COLEC12: variants seen among roughly 807,000 people sequenced by gnomAD.
COLEC12 encodes the protein collectin subfamily member 12.
COLEC12 carries 33 observed loss-of-function variants against 71.1 expected under a neutral mutation model. The observed-to-expected ratio is 0.46, with a 90% CI of 0.35 to 0.62. The LOEUF (loss-of-function observed/expected upper bound fraction) is 0.62. Among genes scored for constraint, COLEC12 ranks in the 20% least tolerant of loss-of-function variants. COLEC12 has a pLI of 0.00. For missense variants in COLEC12, 765 were observed against 916.1 expected (o/e 0.84, Z 2.13); for synonymous variants, 350 against 353.0 (o/e 0.99, Z 0.10).
Position 355,739 on chromosome 18 carries a change from T to C in COLEC12, c.181+1661A>G, listed in dbSNP as rs1914616657. Among the ~76,000 whole-genome samples, 3 of 152,192 alleles carry C rather than the reference T, an allele frequency of 2.0e-5. No homozygotes were observed. In the South Asian group the frequency reaches 6.2e-4, roughly 32 times the overall value. Reference sequence around the variant, plus strand: ...TATCTTGGCTCACTAGGAAAAGTCATGGAGAAGTGAGTAATGACCTAAATA... The same window carrying C: ...TATCTTGGCTCACTAGGAAAAGTCACGGAGAAGTGAGTAATGACCTAAATA... On this transcript the variant is annotated intron_variant, in intron 3 of 9. Coordinates refer to ENST00000400256, the MANE Select transcript of COLEC12 (RefSeq NM_130386.3).
intron 5 of COLEC12, among the ~76,000 whole-genome samples, chr18:341,175 T>C (rs1355922888): frequency 6.6e-6 from 1 of 152,232 alleles, no homozygotes; most frequent in Non-Finnish European, 1.5e-5. Context: ...GTAAACTCTC[T>C]GTCATTTCCA....
chr18:498,247 G>A (rs1027350544), intron 1 of COLEC12, among the ~76,000 whole-genome samples: 2 of 152,092 alleles, frequency 1.3e-5, no homozygotes, highest in South Asian at 2.1e-4. Context: ...CACTTAGTAG[G>A]TACTAAAAAA....
At chr18:442,002 T>TCTAC (rs1221111408) in intron 2 of COLEC12, among the ~76,000 whole-genome samples, 1 of 120,744 alleles carries the variant, frequency 8.3e-6, no homozygotes, top group Non-Finnish European at 1.6e-5. Flanking sequence ...TCTCTCTCTC[T>TCTAC]ACACACACAC....
At position 408,989 on chromosome 18, in the gene COLEC12, C is replaced by A. The variant is rs190880736; in HGVS notation, c.59-51467G>T. On this transcript the variant is annotated intron_variant, in intron 2 of 9. Coordinates refer to ENST00000400256, the MANE Select transcript of COLEC12 (RefSeq NM_130386.3). The surrounding 1 kb of genome is among the most constrained non-coding windows in gnomAD (Gnocchi z 4.3). Reference sequence around the variant, plus strand: ...CTGGTATTACAGGCACATACCACCACGCCTAGCTAAATTTTGTATTTTTTT... The same window carrying A: ...CTGGTATTACAGGCACATACCACCAAGCCTAGCTAAATTTTGTATTTTTTT... Among the ~76,000 whole-genome samples, 1 of 151,962 alleles carries A rather than the reference C, an allele frequency of 6.6e-6. No individual in the cohort carries two copies. The highest frequency in any genetic ancestry group is 1.5e-5 in the Non-Finnish European group (1 of 68,000).
intron 2 of COLEC12, among the ~76,000 whole-genome samples, chr18:450,687 A>G (rs1034916888): frequency 7.9e-5 from 12 of 152,248 alleles, no homozygotes; most frequent in African/African-American, 2.9e-4. Flanking sequence ...GCATTGCTAC[A>G]AAGATATCTG....
intron 2 of COLEC12, among the ~76,000 whole-genome samples, chr18:452,522 C>T (rs1445172291): frequency 6.6e-6 from 1 of 152,172 alleles, no homozygotes; most frequent in Non-Finnish European, 1.5e-5. Context: ...GCAGAAGCAT[C>T]TTCCTCCGCC....
At chr18:470,324 C>T (rs371110370) in intron 2 of COLEC12, among the ~76,000 whole-genome samples, 10 of 149,866 alleles carry the variant, frequency 6.7e-5, no homozygotes, top group African/African-American at 2.5e-4. Flanking sequence ...CTCCGTCTCC[C>T]AGGTTCAAGC....
chr18:489,516 T>C (rs1053657804), intron 1 of COLEC12, among the ~76,000 whole-genome samples: 1 of 152,200 alleles, frequency 6.6e-6, no homozygotes, highest in Non-Finnish European at 1.5e-5. Flanking sequence ...AGAAAAGATT[T>C]CTTCGAGAAG....
chr18:359,937 T>C (rs1398948944), intron 2 of COLEC12, among the ~76,000 whole-genome samples: 2 of 152,182 alleles, frequency 1.3e-5, no homozygotes, highest in Non-Finnish European at 2.9e-5. Flanking sequence ...TAATGCAAAA[T>C]GATGAGAGAA....
chr18:474,697 T>A (rs1034076364), intron 2 of COLEC12, among the ~76,000 whole-genome samples: 2 of 152,234 alleles, frequency 1.3e-5, no homozygotes, highest in African/African-American at 2.4e-5. Context: ...AAAGAGCTAC[T>A]CTGTGACTCC....
rs1481084130 is a variant in COLEC12 at position 399,491 on chromosome 18, C to T, written c.59-41969G>A. Among the ~76,000 whole-genome samples the T allele has an allele frequency of 2.0e-5, 3 of 152,224 alleles. No individual in the cohort carries two copies. The highest frequency in any genetic ancestry group is 7.2e-5 in the African/African-American group (3 of 41,456). ...CTGCTGTTTCCTACCGTGTCATTCA[C>T]TAATGTATTCATTTAGCAAATATTT... On this transcript the variant is annotated intron_variant, in intron 2 of 9. Transcript: ENST00000400256. This position sits in a 1 kb window ranked among gnomAD's most constrained non-coding sequence, Gnocchi z 4.0.
At chr18:426,836 C>T (rs149719866) in intron 2 of COLEC12, among the ~76,000 whole-genome samples, 192 of 152,166 alleles carry the variant, frequency 1.3e-3, no homozygotes, top group African/African-American at 4.3e-3. Context: ...ACAGAGGTTC[C>T]GAAGGATTCG....
At chr18:475,945 T>G (rs919431612) in intron 2 of COLEC12, among the ~76,000 whole-genome samples, 1 of 152,218 alleles carries the variant, frequency 6.6e-6, no homozygotes, top group Non-Finnish European at 1.5e-5. Context: ...TTCGACATGC[T>G]CGGCACCGTG....
rs368795629 is a variant in COLEC12, at chr18:465,276, T to C, written c.58+15431A>G. Among the ~76,000 whole-genome samples, 8 of 152,248 alleles carry C rather than the reference T, an allele frequency of 5.3e-5. No individual in the cohort carries two copies. The East Asian group carries it at 1.2e-3, about 22-fold the overall frequency. ...CACCACCACACCTGGATAATTTTTGTATTTTTAGTAGAGACAGGGTTTCAC... is the reference window on the plus strand; with the variant it reads ...CACCACCACACCTGGATAATTTTTGCATTTTTAGTAGAGACAGGGTTTCAC... On this transcript the variant is annotated intron_variant, in intron 2 of 9. Transcript: ENST00000400256.
At chr18:386,107 G>T (rs57672517) in intron 2 of COLEC12, among the ~76,000 whole-genome samples, 1,385 of 99,352 alleles carry the variant, frequency 0.014, 21 homozygotes, top group African/African-American at 0.043. Flanking sequence ...GTGGGTGGGG[G>T]AGAAGGCTAG....
chr18:373,006 A>G (rs965295843), intron 2 of COLEC12, among the ~76,000 whole-genome samples: 9 of 149,640 alleles, frequency 6.0e-5, no homozygotes, highest in Non-Finnish European at 8.8e-5. Context: ...TATTCTAGTT[A>G]GAGAGTAACA....
At chr18:377,913 C>T (rs886648293) in intron 2 of COLEC12, among the ~76,000 whole-genome samples, 79 of 152,144 alleles carry the variant, frequency 5.2e-4, no homozygotes, top group Admixed American at 2.2e-3. Flanking sequence ...CGGGTTGGGG[C>T]TTTAACTCCT....
chr18:344,639 C>G (rs934835586), intron 5 of COLEC12, among the ~76,000 whole-genome samples: 1 of 152,246 alleles, frequency 6.6e-6, no homozygotes, highest in Non-Finnish European at 1.5e-5. Context: ...GGAACACATT[C>G]CCTTCCCTGG....
chr18:369,185 T>C (rs2143529746), intron 2 of COLEC12, among the ~76,000 whole-genome samples: 1 of 152,194 alleles, frequency 6.6e-6, no homozygotes, highest in South Asian at 2.1e-4. Context: ...TCAATGCACA[T>C]ACCACTTAAT....
Sources: allele counts gnomAD v4.1 joint callset (sites outside exome capture counted in the v4.1 genomes callset), GRCh38; gene constraint gnomAD v4.1.1; non-coding constraint Gnocchi (gnomAD v3.1); transcripts MANE v1.5; gene names NCBI Gene and HGNC (gene_info 2026-07-23, HGNC 2026-07-21).